The following MRPL48 variants were observed in gnomAD, a reference collection of about 807,000 sequenced individuals.
The protein encoded by MRPL48 is mitochondrial ribosomal protein L48, also known as large ribosomal subunit protein mL48.
In MRPL48, 16 loss-of-function variants were observed where a neutral mutation model predicts 32.9. The observed-to-expected ratio is 0.49, with a 90% CI of 0.33 to 0.74. MRPL48 has a LOEUF of 0.74. Ranked by LOEUF, MRPL48 falls within the 30% of genes least tolerant of loss-of-function variation. MRPL48 has a pLI of 0.02. For synonymous variants in MRPL48, 94 were observed against 89.2 expected (o/e 1.05, Z -0.31); for missense variants, 206 against 245.3 (o/e 0.84, Z 1.07).
chr11:73,840,852 G>A (rs978377241), intron 4 of MRPL48, among the ~76,000 whole-genome samples: 8 of 152,010 alleles, frequency 5.3e-5, no homozygotes, highest in African/African-American at 1.9e-4. Context: ...AAAAAGGGAA[G>A]GTACAGAGAG....
chr11:73,853,909 C>G (rs1948444252), intron 5 of MRPL48, among the ~76,000 whole-genome samples: 1 of 152,050 alleles, frequency 6.6e-6, no homozygotes, highest in Admixed American at 6.5e-5. Context: ...CCAGGATGGT[C>G]TTGATCTCCT....
chr11:73,825,278 T>TTATA lies in MRPL48; in HGVS notation c.113-426_113-423dup, dbSNP rs541179518. Reference sequence around the variant, plus strand: ...AAAATCCTTACTGTTACCTTGTTTTTTATATATGTGTGTGTGTGTGTGTGT... The same window carrying TTATA: ...AAAATCCTTACTGTTACCTTGTTTTTTATATATATATGTGTGTGTGTGTGTGTGT... On this transcript the variant is annotated intron_variant, in intron 3 of 7. Coordinates refer to ENST00000310614, the MANE Select transcript of MRPL48 (RefSeq NM_016055.6). Among the ~76,000 whole-genome samples the TTATA allele has an allele frequency of 5.1e-5, 7 of 136,128 alleles. No homozygotes were observed. In the South Asian group the frequency reaches 7.3e-4, roughly 14 times the overall value. The allele number at this position is 136,128 out of a possible 152,430, so 89.3% of individuals were successfully genotyped here. A position where few individuals can be genotyped will look rare whatever the true frequency, so the allele number is the denominator to read the frequency against.
At chr11:73,821,707 C>T (rs867704265) in intron 3 of MRPL48, among the ~76,000 whole-genome samples, 4 of 152,140 alleles carry the variant, frequency 2.6e-5, no homozygotes, top group African/African-American at 7.2e-5. Context: ...TGTCTGTCTT[C>T]CTAGGTGGCA....
At chr11:73,831,955 A>AG (rs1257678900) in intron 4 of MRPL48, among the ~76,000 whole-genome samples, 4 of 151,296 alleles carry the variant, frequency 2.6e-5, no homozygotes, top group African/African-American at 9.7e-5. Context: ...AAAAAAAAAA[A>AG]AAAAAAAAGT....
intron 3 of MRPL48, among the ~76,000 whole-genome samples, chr11:73,821,367 C>T (rs187284124): frequency 6.6e-6 from 1 of 152,282 alleles, no homozygotes; most frequent in East Asian, 1.9e-4. Context: ...ACTATAATCT[C>T]CATAAGCAGA....
chr11:73,852,785 T>A (rs71479561), intron 5 of MRPL48, among the ~76,000 whole-genome samples: 8,599 of 152,216 alleles, frequency 0.056, 269 homozygotes, highest in Middle Eastern at 0.11. Context: ...TATCGAAAAG[T>A]TATCTGCACT....
intron 3 of MRPL48, among the ~76,000 whole-genome samples, chr11:73,811,947 G>A (rs908203187): frequency 6.6e-6 from 1 of 151,970 alleles, no homozygotes; most frequent in African/African-American, 2.4e-5. Flanking sequence ...GTGCAATGGC[G>A]AGATCTTGGC....
intron 1 of MRPL48, among the ~76,000 whole-genome samples, chr11:73,791,480 G>C (rs1947152285): frequency 6.6e-6 from 1 of 151,696 alleles, no homozygotes; most frequent in Non-Finnish European, 1.5e-5. Context: ...GCAGTGGAGT[G>C]ATCTCAGTTC....
At chr11:73,843,221 CTT>C (rs543502031) in intron 4 of MRPL48, 3 of 136,932 alleles carry the variant, frequency 2.2e-5, no homozygotes, top group Non-Finnish European at 3.2e-5. Flanking sequence ...TTTGTTTTAA[CTT>C]TTTTTTTTTT....
chr11:73,827,340 C>T (rs1214083224), intron 4 of MRPL48, among the ~76,000 whole-genome samples: 3 of 152,080 alleles, frequency 2.0e-5, no homozygotes, highest in South Asian at 2.1e-4. Context: ...GCCGAGATCA[C>T]GCCACTGTAC....
chr11:73,811,272 G>A (rs188574391), intron 3 of MRPL48, among the ~76,000 whole-genome samples: 1 of 152,284 alleles, frequency 6.6e-6, no homozygotes, highest in East Asian at 1.9e-4. Flanking sequence ...AGGGAGGGTA[G>A]TCTAGGTAGG....
chr11:73,816,058 ATATT>A (rs567362607), intron 3 of MRPL48, among the ~76,000 whole-genome samples: 2 of 148,498 alleles, frequency 1.3e-5, no homozygotes, highest in Non-Finnish European at 3.0e-5. Context: ...ATTTTATTTT[ATATT>A]TATTTATTTA....
intron 2 of MRPL48, among the ~76,000 whole-genome samples, chr11:73,806,688 A>G (rs955812281): frequency 1.3e-5 from 2 of 152,170 alleles, no homozygotes; most frequent in Admixed American, 6.5e-5. Context: ...GAATGAATTG[A>G]CCTTCATAGT....
chr11:73,819,601 G>T (rs1289222665), intron 3 of MRPL48, among the ~76,000 whole-genome samples: 1 of 152,146 alleles, frequency 6.6e-6, no homozygotes, highest in Non-Finnish European at 1.5e-5. Flanking sequence ...CTCATTCATT[G>T]TTGTCTTTAC....
chr11:73,821,098 C>A (rs1947772386), intron 3 of MRPL48, among the ~76,000 whole-genome samples: 1 of 152,074 alleles, frequency 6.6e-6, no homozygotes, highest in African/African-American at 2.4e-5. Context: ...CTCAAACAAT[C>A]CTCCCACCAC....
chr11:73,799,925 G>A (rs1264414926), intron 1 of MRPL48, among the ~76,000 whole-genome samples: 1 of 152,120 alleles, frequency 6.6e-6, no homozygotes, highest in Non-Finnish European at 1.5e-5. Flanking sequence ...GTATAAATTG[G>A]TATCAGTTTT....
chr11:73,840,145 A>G (rs1948163606), intron 4 of MRPL48, among the ~76,000 whole-genome samples: 1 of 152,048 alleles, frequency 6.6e-6, no homozygotes, highest in African/African-American at 2.4e-5. Context: ...TTAAATGAAA[A>G]AGAGAAAATA....
At chr11:73,825,566 T>C (rs1947871951) in intron 3 of MRPL48, 142 bp from the exon 4 acceptor site, 1 of 667,796 alleles carries the variant, frequency 1.5e-6, no homozygotes, top group Admixed American at 2.8e-5. Context: ...GAGACTGTCT[T>C]GTACCAGAAG....
chr11:73,825,332 T>A (rs1280494746), intron 3 of MRPL48, among the ~76,000 whole-genome samples: 2 of 139,776 alleles, frequency 1.4e-5, no homozygotes, highest in East Asian at 2.2e-4. Flanking sequence ...GTATACATAT[T>A]TTTTTTTCTT....
Sources: allele counts gnomAD v4.1 joint callset (sites outside exome capture counted in the v4.1 genomes callset), GRCh38; gene constraint gnomAD v4.1.1; transcripts MANE v1.5; gene names NCBI Gene and HGNC (gene_info 2026-07-23, HGNC 2026-07-21).